Variants in TJP1 observed in about 807,000 individuals in gnomAD.
The protein encoded by TJP1 is tight junction protein ZO-1.
TJP1 carries 43 observed loss-of-function variants against 194.2 expected under a neutral mutation model. The ratio of observed to expected loss-of-function variants is 0.22; its 90% CI spans 0.17 to 0.29. The LOEUF (loss-of-function observed/expected upper bound fraction) is 0.29. Among genes scored for constraint, TJP1 ranks in the 10% least tolerant of loss-of-function variants. The pLI is 1.00. For missense variants in TJP1, 1,971 were observed against 2,185.7 expected (o/e 0.90, Z 1.96); for synonymous variants, 801 against 779.0 (o/e 1.03, Z -0.47).
At chr15:29,965,043 G>C (rs1350416652) in intron 1 of TJP1, among the ~76,000 whole-genome samples, 1 of 152,112 alleles carries the variant, frequency 6.6e-6, no homozygotes, top group Admixed American at 6.6e-5. Flanking sequence ...TGGAAGTGTG[G>C]GAATAAGGCA....
At chr15:29,847,360 T>C (rs1567130017) in intron 2 of TJP1, among the ~76,000 whole-genome samples, 1 of 152,190 alleles carries the variant, frequency 6.6e-6, no homozygotes, top group Non-Finnish European at 1.5e-5. Flanking sequence ...TGTTTTCCTA[T>C]TTTTAATTCT....
intron 2 of TJP1, among the ~76,000 whole-genome samples, chr15:29,859,386 A>G (rs534767723): frequency 6.6e-6 from 1 of 152,382 alleles, no homozygotes; most frequent in South Asian, 2.1e-4. Context: ...TTGGGAAAAC[A>G]GAACCCAAAG....
At chr15:29,941,234 C>T (rs886789335) in intron 2 of TJP1, among the ~76,000 whole-genome samples, 4 of 152,142 alleles carry the variant, frequency 2.6e-5, no homozygotes. Flanking sequence ...ACCACTCCTC[C>T]CTTCCAGAAA....
At chr15:29,836,394 TC>T (rs1172382566) in intron 2 of TJP1, among the ~76,000 whole-genome samples, 20 of 151,988 alleles carry the variant, frequency 1.3e-4, no homozygotes, top group South Asian at 1.0e-3. Context: ...TGCCTCAGCC[TC>T]CCGAGTAGCT....
chr15:29,752,352 C>T (rs984608954), intron 8 of TJP1, among the ~76,000 whole-genome samples: 4 of 152,174 alleles, frequency 2.6e-5, no homozygotes, highest in African/African-American at 7.2e-5. Flanking sequence ...ATCTTGCCCA[C>T]CTTGGCCTCC....
At chr15:29,755,184 T>C (rs1358224498) in intron 8 of TJP1, among the ~76,000 whole-genome samples, 1 of 152,178 alleles carries the variant, frequency 6.6e-6, no homozygotes, top group African/African-American at 2.4e-5. Context: ...TACAGGTTTG[T>C]AGCCTAGGAG....
At chr15:29,761,492 G>C in intron 7 of TJP1, 109 bp downstream of exon 7, 3 of 1,387,384 alleles carry the variant, frequency 2.2e-6, no homozygotes, top group Admixed American at 2.5e-5. Context: ...AGATTTTGAA[G>C]GTGTTTGGCT....
chr15:29,824,107 A>T (rs891136429), upstream of TJP1: 3 of 138,098 alleles, frequency 2.2e-5, no homozygotes, highest in African/African-American at 8.8e-5. Context: ...AAAAAAAAAA[A>T]AAAAAAAAAA....
intron 2 of TJP1, among the ~76,000 whole-genome samples, chr15:29,912,088 T>A (rs1364362694): frequency 6.6e-6 from 1 of 152,188 alleles, no homozygotes. Flanking sequence ...ATCTAATGCC[T>A]GGAGAGGCCC....
intron 3 of TJP1, among the ~76,000 whole-genome samples, chr15:29,772,684 T>A (rs1050489162): frequency 1.3e-5 from 2 of 151,964 alleles, no homozygotes; most frequent in Non-Finnish European, 2.9e-5. Flanking sequence ...GAGTTATACA[T>A]TTTCTTTTTC....
At chr15:29,743,700 C>T (rs780200089) in intron 8 of TJP1, among the ~76,000 whole-genome samples, 1 of 151,912 alleles carries the variant, frequency 6.6e-6, no homozygotes, top group African/African-American at 2.4e-5. Context: ...ACACTCCAGC[C>T]TAGGCAACAG....
intron 2 of TJP1, among the ~76,000 whole-genome samples, chr15:29,779,031 T>C (rs1017638087): frequency 2.0e-5 from 3 of 152,186 alleles, no homozygotes; most frequent in Non-Finnish European, 1.5e-5. Flanking sequence ...AGTTGATCTA[T>C]TTTAAACTCC....
intron 10 of TJP1, among the ~76,000 whole-genome samples, chr15:29,737,814 A>C (rs2044136837): frequency 6.6e-6 from 1 of 152,180 alleles, no homozygotes; most frequent in Non-Finnish European, 1.5e-5. Flanking sequence ...TAAAGGTAGA[A>C]ATTGAAGTAT....
chr15:29,907,514 G>A lies in TJP1; in HGVS notation c.306+48718C>T, dbSNP rs984096212. ...CTATTAATACTGGTTATCTCTGAGC[G>A]ATGAGATTATGCACAATTTCGGAGG... On this transcript the variant is annotated intron_variant, in intron 2 of 28. Coordinates refer to the TJP1 transcript ENST00000356107. Among the ~76,000 whole-genome samples the A allele has an allele frequency of 3.3e-5, 5 of 152,280 alleles. No individual in the cohort carries two copies. In the East Asian group the frequency reaches 7.7e-4, roughly 24 times the overall value.
chr15:29,967,260 T>G (rs1455609138), intron 1 of TJP1, among the ~76,000 whole-genome samples: 1 of 151,976 alleles, frequency 6.6e-6, no homozygotes, highest in East Asian at 1.9e-4. Flanking sequence ...GGTCTTGAAC[T>G]CCAGACCTCA....
At chr15:29,710,205 C>G (rs1029428086) in intron 24 of TJP1, among the ~76,000 whole-genome samples, 4 of 151,882 alleles carry the variant, frequency 2.6e-5, no homozygotes. Flanking sequence ...TTAAAACTGT[C>G]TTTATCTGTA....
intron 1 of TJP1, among the ~76,000 whole-genome samples, chr15:29,817,866 G>A (rs1019544815): frequency 6.6e-6 from 1 of 152,106 alleles, no homozygotes; most frequent in Non-Finnish European, 1.5e-5. Context: ...GGGGGAAAGG[G>A]AGGGAAAGCA....
At chr15:29,711,137 C>T (rs2042220377) in intron 23 of TJP1, 137 bp from the exon 24 acceptor site, 1 of 922,520 alleles carries the variant, frequency 1.1e-6, no homozygotes, top group South Asian at 2.5e-5. Context: ...GTATGGGTAG[C>T]TACTCTACCA....
At chr15:29,954,670 T>A (rs1461734106) in intron 2 of TJP1, among the ~76,000 whole-genome samples, 5 of 152,210 alleles carry the variant, frequency 3.3e-5, no homozygotes, top group Admixed American at 3.3e-4. Context: ...ATTTATGTCT[T>A]GTGTCATAAA....
Sources: gnomAD v4.1 joint callset for allele counts (sites outside exome capture counted in the v4.1 genomes callset) on GRCh38, gnomAD v4.1.1 for gene constraint, MANE v1.5 for transcripts, NCBI Gene and HGNC (gene_info 2026-07-23, HGNC 2026-07-21) for gene names.